Variants in GRIN2A observed in about 807,000 individuals in gnomAD.
GRIN2A encodes the protein glutamate ionotropic receptor NMDA type subunit 2A, also known as glutamate receptor ionotropic, NMDA 2A.
In GRIN2A, 22 loss-of-function variants were observed where a neutral mutation model predicts 113.4. The ratio of observed to expected loss-of-function variants is 0.19; its 90% CI spans 0.14 to 0.28. GRIN2A has a LOEUF of 0.28. GRIN2A is among the 10% of genes least tolerant of loss of function. The pLI, the probability that GRIN2A is intolerant of heterozygous loss-of-function variation, is 1.00. For missense variants in GRIN2A, 1,502 were observed against 1,887.0 expected, an observed-to-expected ratio of 0.80 and a Z score of 3.78; for synonymous variants, 827 against 738.4, an observed-to-expected ratio of 1.12 and a Z score of -1.94.
At chr16:10,039,808 G>GGGAGAGAGAGAGA (rs1555469298) in intron 2 of GRIN2A, among the ~76,000 whole-genome samples, 6 of 63,822 alleles carry the variant, frequency 9.4e-5, no homozygotes, top group African/African-American at 2.3e-4. Flanking sequence ...GGGAGGGGGG[G>GGGAGAGAGAGAGA]GAGAAAGAGA....
intron 2 of GRIN2A, among the ~76,000 whole-genome samples, chr16:10,175,271 G>A (rs1459253108): frequency 3.3e-5 from 5 of 152,332 alleles, no homozygotes; most frequent in Non-Finnish European, 7.3e-5. Context: ...ACATATGCAT[G>A]TATATTCAGA....
intron 3 of GRIN2A, among the ~76,000 whole-genome samples, chr16:9,903,243 C>T (rs894843996): frequency 7.2e-5 from 11 of 152,146 alleles, no homozygotes; most frequent in African/African-American, 2.4e-4. Flanking sequence ...GCTGGGATTA[C>T]AGGCGTGAGT....
chr16:10,126,314 C>A (rs964698081), intron 2 of GRIN2A, among the ~76,000 whole-genome samples: 6 of 152,104 alleles, frequency 3.9e-5, no homozygotes, highest in African/African-American at 1.4e-4. Flanking sequence ...GCGTGCACCA[C>A]CACACCTGGC....
In GRIN2A at chr16:9,757,524, G is replaced by T. The variant is rs1255532104; in HGVS notation, c.*5625C>A. The T allele has an allele frequency of 4.4e-6, 1 of 228,486 alleles. No individual in the cohort carries two copies. The highest frequency in any genetic ancestry group is 8.7e-6 in the Non-Finnish European group (1 of 115,176). The allele number at this position is 228,486 out of a possible 1,614,324, so 14.2% of individuals were successfully genotyped here. A position where few individuals can be genotyped will look rare whatever the true frequency, so the allele number is the denominator to read the frequency against. On this transcript the variant is annotated 3_prime_UTR_variant, in exon 13 of 13. Transcript: ENST00000330684. ...AGAGAACTGAACTTCTAAACCATAA[G>T]CTACTTATGGGAAGAGACTATATTT...
chr16:9,807,431 G>A (rs2042003998), intron 10 of GRIN2A, among the ~76,000 whole-genome samples: 1 of 140,416 alleles, frequency 7.1e-6, no homozygotes, highest in African/African-American at 2.7e-5. Flanking sequence ...CAGAGAGAAA[G>A]AGAGACAGAG....
intron 2 of GRIN2A, among the ~76,000 whole-genome samples, chr16:10,101,448 G>T (rs753186852): frequency 6.6e-6 from 1 of 152,164 alleles, no homozygotes; most frequent in Non-Finnish European, 1.5e-5. Flanking sequence ...ACCTCCGAGC[G>T]CCGTGGAAGA....
chr16:9,842,885 C>T (rs766288660), intron 5 of GRIN2A, among the ~76,000 whole-genome samples: 7 of 151,278 alleles, frequency 4.6e-5, no homozygotes, highest in African/African-American at 1.2e-4. Context: ...GAGCCAAGAT[C>T]GCACCACTGC....
intron 2 of GRIN2A, among the ~76,000 whole-genome samples, chr16:10,073,107 C>T (rs552092333): frequency 5.3e-5 from 8 of 152,076 alleles, no homozygotes; most frequent in South Asian, 4.2e-4. Flanking sequence ...AGGCACCCAC[C>T]GCCACGTCTG....
intron 2 of GRIN2A, among the ~76,000 whole-genome samples, chr16:10,133,046 C>T (rs531359359): frequency 5.3e-5 from 8 of 152,238 alleles, no homozygotes; most frequent in East Asian, 3.9e-4. Context: ...CTTCCATGCC[C>T]GCCTCTTATA....
chr16:9,986,968 G>A (rs567671725), intron 2 of GRIN2A, among the ~76,000 whole-genome samples: 1 of 152,112 alleles, frequency 6.6e-6, no homozygotes, highest in South Asian at 2.1e-4. Context: ...ATATACCCGA[G>A]TTTCCTTCCA....
At chr16:10,130,828 C>A (rs901192183) in intron 2 of GRIN2A, among the ~76,000 whole-genome samples, 1 of 152,184 alleles carries the variant, frequency 6.6e-6, no homozygotes, top group African/African-American at 2.4e-5. Context: ...AAGTAAACAG[C>A]TGGGGGAGTA....
At chr16:9,852,942 G>C (rs1567347125) in intron 4 of GRIN2A, among the ~76,000 whole-genome samples, 1 of 152,224 alleles carries the variant, frequency 6.6e-6, no homozygotes. Flanking sequence ...ATGTTTGCTT[G>C]CATGAAATTT....
intron 10 of GRIN2A, among the ~76,000 whole-genome samples, chr16:9,801,277 G>A (rs1903345718): frequency 6.6e-6 from 1 of 152,218 alleles, no homozygotes. Flanking sequence ...ATGTTGCCAT[G>A]GAGATATAGA....
intron 2 of GRIN2A, among the ~76,000 whole-genome samples, chr16:10,047,124 T>G (rs13338883): frequency 0.018 from 2,711 of 152,346 alleles, 88 homozygotes; most frequent in African/African-American, 0.061. Context: ...TTACTTCACA[T>G]TGAAAACCAT....
chr16:10,111,868 A>G, intron 2 of GRIN2A: 6 of 986,190 alleles, frequency 6.1e-6, no homozygotes, highest in Admixed American at 1.8e-5. Flanking sequence ...CTCCCGAGAC[A>G]TCAACTTTCT....
intron 1 of GRIN2A, among the ~76,000 whole-genome samples, chr16:10,181,253 G>A (rs1335575669): frequency 6.6e-6 from 1 of 150,702 alleles, no homozygotes; most frequent in African/African-American, 2.4e-5. Flanking sequence ...TCTCACGCGC[G>A]CCGTGTGCAA....
chr16:10,147,276 T>C (rs2049460295), intron 2 of GRIN2A, among the ~76,000 whole-genome samples: 2 of 151,836 alleles, frequency 1.3e-5, no homozygotes, highest in Admixed American at 1.3e-4. Context: ...GTTCAAAGAC[T>C]GAGAAACCCT....
At chr16:9,961,733 C>T (rs557302685) in intron 2 of GRIN2A, among the ~76,000 whole-genome samples, 1 of 152,308 alleles carries the variant, frequency 6.6e-6, no homozygotes, top group Non-Finnish European at 1.5e-5. Flanking sequence ...ATGCCATCCC[C>T]ATCAAGCTAC....
intron 2 of GRIN2A, among the ~76,000 whole-genome samples, chr16:10,061,315 C>T (rs2047547282): frequency 6.6e-6 from 1 of 152,184 alleles, no homozygotes; most frequent in Non-Finnish European, 1.5e-5. Context: ...AACCCTCAAC[C>T]ACCTACCTCC....
Sources: gnomAD v4.1 joint callset for allele counts (sites outside exome capture counted in the v4.1 genomes callset) on GRCh38, gnomAD v4.1.1 for gene constraint, MANE v1.5 for transcripts, NCBI Gene and HGNC (gene_info 2026-07-23, HGNC 2026-07-21) for gene names.